The following OPRM1 variants were observed in gnomAD, a reference collection of about 807,000 sequenced individuals.
OPRM1 encodes the protein mu-type opioid receptor.
Under a neutral mutation model 31.8 loss-of-function variants are expected in OPRM1, and 27 were observed. The ratio of observed to expected loss-of-function variants is 0.85; its 90% CI spans 0.63 to 1.17. The LOEUF (loss-of-function observed/expected upper bound fraction) is 1.17, where lower values mean the gene tolerates loss of function less well. Ranked by LOEUF, OPRM1 falls within the 50% of genes most tolerant of loss-of-function variation. OPRM1 has a pLI of 0.00. For synonymous variants in OPRM1, 196 were observed against 189.9 expected (o/e 1.03, Z -0.26); for missense variants, 536 against 511.1 (o/e 1.05, Z -0.47).
intron 3 of OPRM1, among the ~76,000 whole-genome samples, chr6:154,213,954 A>G (rs769864039): frequency 3.3e-5 from 5 of 152,204 alleles, no homozygotes; most frequent in Non-Finnish European, 5.9e-5. Flanking sequence ...TGCATCGGTG[A>G]CTGTTTGAGA....
chr6:154,046,676 T>G (rs1476584597), intron 1 of OPRM1: 1 of 152,106 alleles, frequency 6.6e-6, no homozygotes, highest in Non-Finnish European at 1.5e-5. Context: ...TTTTTTTCTT[T>G]CCCCATCAAT....
chr6:154,089,193 A>G (rs1443541805), intron 1 of OPRM1, among the ~76,000 whole-genome samples: 1 of 151,884 alleles, frequency 6.6e-6, no homozygotes, highest in East Asian at 1.9e-4. Context: ...TTTCTCTTTT[A>G]TATTTAGAAT....
At chr6:154,020,641 A>G (rs909009714) in intron 1 of OPRM1, among the ~76,000 whole-genome samples, 6 of 152,204 alleles carry the variant, frequency 3.9e-5, no homozygotes, top group Admixed American at 2.0e-4. Context: ...CACTGTGAAC[A>G]GCTCTACCAT....
intron 3 of OPRM1, among the ~76,000 whole-genome samples, chr6:154,109,792 C>CTCTCTG (rs1358444421): frequency 3.1e-3 from 310 of 101,248 alleles, no homozygotes; most frequent in African/African-American, 0.011. Context: ...CTCTCTCTCT[C>CTCTCTG]TGTGTGTGTG....
intron 1 of OPRM1, among the ~76,000 whole-genome samples, chr6:154,027,993 G>T (rs1778796258): frequency 6.6e-6 from 1 of 152,138 alleles, no homozygotes; most frequent in South Asian, 2.1e-4. Flanking sequence ...TGTCTAAGGT[G>T]CAAGACAAAG....
intron 3 of OPRM1, among the ~76,000 whole-genome samples, chr6:154,106,039 A>T (rs557404358): frequency 6.6e-6 from 1 of 152,330 alleles, no homozygotes; most frequent in South Asian, 2.1e-4. Flanking sequence ...AAACGGAATA[A>T]TACCCCCTTT....
chr6:154,075,513 G>T (rs550189529), intron 1 of OPRM1, among the ~76,000 whole-genome samples: 5 of 149,804 alleles, frequency 3.3e-5, no homozygotes, highest in South Asian at 2.1e-4. Context: ...GTGCAGTGGC[G>T]CAATCTCGGC....
chr6:154,235,425 G>A (rs577274865), intron 3 of OPRM1, among the ~76,000 whole-genome samples: 31 of 151,008 alleles, frequency 2.1e-4, no homozygotes, highest in African/African-American at 6.8e-4. Flanking sequence ...CCAGCTACTC[G>A]AGAGGCTGAG....
Position 154,126,451 on chromosome 6 carries a change from G to T in OPRM1, c.*7730G>T, listed in dbSNP as rs1458776630. Among the ~76,000 whole-genome samples, 1 of 152,202 alleles carries T rather than the reference G, an allele frequency of 6.6e-6. No homozygotes were observed. The highest frequency in any genetic ancestry group is 1.5e-5 in the Non-Finnish European group (1 of 68,042). ...CAACAATTATATTCCCCCATTTCAA[G>T]AAGGGCAGAAGTGTCCCAACACTAC... On this transcript the variant is annotated 3_prime_UTR_variant, in exon 4 of 4. Transcript: ENST00000330432.
intron 3 of OPRM1, among the ~76,000 whole-genome samples, chr6:154,111,922 C>T (rs1244156323): frequency 6.6e-6 from 1 of 152,052 alleles, no homozygotes; most frequent in African/African-American, 2.4e-5. Flanking sequence ...CCTGCCACCA[C>T]GCCCAGCTAA....
chr6:154,240,430 G>GTATGC (rs1331339716), intron 3 of OPRM1, among the ~76,000 whole-genome samples: 1 of 151,728 alleles, frequency 6.6e-6, no homozygotes, highest in Admixed American at 6.6e-5. Context: ...TTTCCAAAAT[G>GTATGC]TATGCTAATC....
chr6:154,168,231 C>A lies in OPRM1; in HGVS notation c.1164+76759C>A. ...ACTGGCACCCTCATCTCAGACTTCT[C>A]TCCGGAACTGAAAGACAATAAATGT... On this transcript the variant is annotated intron_variant, in intron 3 of 3. Transcript: ENST00000337049. The surrounding 1 kb of genome is among the most constrained non-coding windows in gnomAD (Gnocchi z 4.1). 1.4e-6 allele frequency: 1 copy of A among 691,506 alleles called. No homozygotes were observed. Among genetic ancestry groups the A allele is most frequent in the South Asian group, 2.9e-5 (1 of 34,990 alleles). The allele number at this position is 691,506 out of a possible 1,614,324, so 42.8% of individuals were successfully genotyped here.
chr6:154,108,807 T>C lies in OPRM1; in HGVS notation c.1165-9876T>C, dbSNP rs557541776. ...CTCCCATCTTAACAGTTGCAATCCA[T>C]GGAGGAATGCTTGATAACCTCGGTG... On this transcript the variant is annotated intron_variant, in intron 3 of 3. Coordinates refer to ENST00000330432, the MANE Select transcript of OPRM1 (RefSeq NM_000914.5). The C allele has an allele frequency of 3.0e-6, 3 of 985,384 alleles. No homozygotes were observed. In the African/African-American group the frequency reaches 5.2e-5, roughly 17 times the overall value. The allele number at this position is 985,384 out of a possible 1,614,324, so 61.0% of individuals were successfully genotyped here. A position where few individuals can be genotyped will look rare whatever the true frequency, so the allele number is the denominator to read the frequency against.
At chr6:154,035,838 A>G (rs1015293670), upstream of OPRM1, among the ~76,000 whole-genome samples, 1 of 152,158 alleles carries the variant, frequency 6.6e-6, no homozygotes, top group Non-Finnish European at 1.5e-5. Flanking sequence ...ATCTAAATGT[A>G]TAGATAATAA....
chr6:154,052,182 TG>T (rs1782344966), intron 1 of OPRM1, among the ~76,000 whole-genome samples: 1 of 149,770 alleles, frequency 6.7e-6, no homozygotes, highest in African/African-American at 2.5e-5. Flanking sequence ...TGTCGGGGGT[TG>T]GGGGGCAAGG....
chr6:154,242,911 G>A (rs940600467), intron 3 of OPRM1, among the ~76,000 whole-genome samples: 1 of 151,834 alleles, frequency 6.6e-6, no homozygotes, highest in African/African-American at 2.4e-5. Flanking sequence ...GAAAAGTATA[G>A]GCCACTCAGG....
chr6:154,031,929 G>A (rs2128387795), intron 1 of OPRM1, among the ~76,000 whole-genome samples: 1 of 152,260 alleles, frequency 6.6e-6, no homozygotes, highest in Admixed American at 6.5e-5. Flanking sequence ...TTGTCCTCAA[G>A]GACCTTAGAT....
chr6:154,198,025 T>C (rs1776759773), intron 3 of OPRM1, among the ~76,000 whole-genome samples: 1 of 152,182 alleles, frequency 6.6e-6, no homozygotes, highest in Non-Finnish European at 1.5e-5. Flanking sequence ...CTTCAGTATA[T>C]CTTTTCAAGA....
intron 3 of OPRM1, among the ~76,000 whole-genome samples, chr6:154,227,910 T>G (rs1157438650): frequency 6.6e-6 from 1 of 152,116 alleles, no homozygotes; most frequent in Non-Finnish European, 1.5e-5. Flanking sequence ...GCTTTTTTTT[T>G]ATTCTGAAGA....
Sources: allele counts gnomAD v4.1 joint callset (sites outside exome capture counted in the v4.1 genomes callset), GRCh38; gene constraint gnomAD v4.1.1; non-coding constraint Gnocchi (gnomAD v3.1); transcripts MANE v1.5; gene names NCBI Gene and HGNC (gene_info 2026-07-23, HGNC 2026-07-21).